Variants in PLXDC2 observed in about 807,000 individuals in gnomAD.
PLXDC2 encodes plexin domain-containing protein 2.
Under a neutral mutation model 68.9 loss-of-function variants are expected in PLXDC2, and 40 were observed. That is an observed-to-expected ratio of 0.58 (90% CI 0.45 to 0.76). The LOEUF (loss-of-function observed/expected upper bound fraction) is 0.76. Ranked by LOEUF, PLXDC2 falls within the 30% of genes least tolerant of loss-of-function variation. PLXDC2 has a pLI of 0.00. For missense variants in PLXDC2, 644 were observed against 661.9 expected (o/e 0.97, Z 0.30); for synonymous variants, 243 against 234.2 (o/e 1.04, Z -0.34).
chr10:20,073,204 A>C (rs1269834919), intron 4 of PLXDC2, among the ~76,000 whole-genome samples: 1 of 152,214 alleles, frequency 6.6e-6, no homozygotes, highest in African/African-American at 2.4e-5. Flanking sequence ...TGGTGAATCC[A>C]TGCTGTGCAA....
rs941796272 is a variant in PLXDC2 at position 20,288,227 on chromosome 10, A to C, written c.*8408A>C. The C allele has an allele frequency of 6.6e-6, 1 of 152,124 alleles. No individual in the cohort carries two copies. The highest frequency in any genetic ancestry group is 6.5e-5 in the Admixed American group (1 of 15,278). The allele number at this position is 152,124 out of a possible 1,614,324, so 9.4% of individuals were successfully genotyped here. A position where few individuals can be genotyped will look rare whatever the true frequency, so the allele number is the denominator to read the frequency against. ...CCAGTTCGTTTCTCACTGTTTTGGA[A>C]AGCCCTGTGTGCCAAACCAAGGACG... On this transcript the variant is annotated 3_prime_UTR_variant, in exon 14 of 14. Coordinates refer to ENST00000377252, the MANE Select transcript of PLXDC2 (RefSeq NM_032812.9).
At chr10:19,829,557 G>A (rs1022147772) in intron 1 of PLXDC2, among the ~76,000 whole-genome samples, 1 of 151,996 alleles carries the variant, frequency 6.6e-6, no homozygotes, top group East Asian at 1.9e-4. Context: ...ACTTTGGAAG[G>A]CCTCTACTAA....
intron 2 of PLXDC2, among the ~76,000 whole-genome samples, chr10:20,006,730 A>T (rs1438999447): frequency 6.6e-6 from 1 of 152,212 alleles, no homozygotes. Context: ...GGATTGTAAA[A>T]CTTGGTAGCC....
chr10:19,921,270 C>T (rs1440499252), intron 1 of PLXDC2, among the ~76,000 whole-genome samples: 7 of 152,238 alleles, frequency 4.6e-5, no homozygotes, highest in Non-Finnish European at 7.4e-5. Context: ...CCTACAAAAT[C>T]ATCTTGATTT....
intron 1 of PLXDC2, among the ~76,000 whole-genome samples, chr10:19,988,848 T>C (rs927606938): frequency 8.0e-6 from 1 of 124,866 alleles, no homozygotes; most frequent in Admixed American, 1.0e-4. Context: ...CAGGCTGGAG[T>C]GCAATGGCGC....
At chr10:20,141,061 C>T (rs535948739) in intron 4 of PLXDC2, among the ~76,000 whole-genome samples, 1 of 152,116 alleles carries the variant, frequency 6.6e-6, no homozygotes, top group South Asian at 2.1e-4. Flanking sequence ...ATATCTATGG[C>T]TTTTACATGT....
intron 1 of PLXDC2, among the ~76,000 whole-genome samples, chr10:19,939,521 A>G (rs1368471625): frequency 6.6e-6 from 1 of 152,204 alleles, no homozygotes; most frequent in Admixed American, 6.5e-5. Flanking sequence ...AGAACTGTAT[A>G]GCAGCTCTAG....
intron 1 of PLXDC2, among the ~76,000 whole-genome samples, chr10:19,824,983 C>T (rs982441075): frequency 6.6e-6 from 1 of 152,076 alleles, no homozygotes; most frequent in South Asian, 2.1e-4. Flanking sequence ...ACTGGATATC[C>T]AGACTTTTAA....
intron 4 of PLXDC2, among the ~76,000 whole-genome samples, chr10:20,121,721 G>A (rs1184881882): frequency 6.6e-6 from 1 of 152,126 alleles, no homozygotes; most frequent in African/African-American, 2.4e-5. Context: ...GGCACCATGG[G>A]GTAGATAGGC....
At chr10:19,860,339 A>T (rs1056660148) in intron 1 of PLXDC2, among the ~76,000 whole-genome samples, 1 of 152,190 alleles carries the variant, frequency 6.6e-6, no homozygotes, top group Non-Finnish European at 1.5e-5. Flanking sequence ...TGTGCTTGCC[A>T]TGGTACTAAG....
At chr10:20,005,452 G>C (rs1325306836) in intron 2 of PLXDC2, among the ~76,000 whole-genome samples, 1 of 152,174 alleles carries the variant, frequency 6.6e-6, no homozygotes, top group East Asian at 1.9e-4. Flanking sequence ...TGAAAGTTTG[G>C]AAAGTGTACT....
intron 5 of PLXDC2, among the ~76,000 whole-genome samples, chr10:20,146,413 T>TTTTC (rs774873153): frequency 2.6e-5 from 4 of 151,170 alleles, no homozygotes; most frequent in East Asian, 3.9e-4. Flanking sequence ...CCTTGCTTCC[T>TTTTC]TTTCTTTCTT....
At chr10:20,215,453 T>C (rs568472521) in intron 10 of PLXDC2, among the ~76,000 whole-genome samples, 18 of 151,922 alleles carry the variant, frequency 1.2e-4, no homozygotes, top group Non-Finnish European at 2.1e-4. Flanking sequence ...TCAGGATGCA[T>C]TGGGGAGAAG....
intron 6 of PLXDC2, among the ~76,000 whole-genome samples, chr10:20,156,241 G>C (rs1834215421): frequency 1.3e-5 from 2 of 152,122 alleles, no homozygotes; most frequent in South Asian, 4.1e-4. Context: ...CTGCGTCACT[G>C]TCTTTTGTGT....
intron 1 of PLXDC2, among the ~76,000 whole-genome samples, chr10:19,999,485 T>A (rs1035813660): frequency 1.4e-4 from 21 of 152,140 alleles, no homozygotes; most frequent in African/African-American, 2.7e-4. Flanking sequence ...CCATTTTTTT[T>A]ATCTGGAATC....
chr10:20,070,809 C>G (rs1282097664), intron 4 of PLXDC2: 1 of 152,158 alleles, frequency 6.6e-6, no homozygotes, highest in Non-Finnish European at 1.5e-5. Context: ...TTTGCATTTT[C>G]AATTTCTCAA....
chr10:20,124,022 G>A (rs1347429928), intron 4 of PLXDC2, among the ~76,000 whole-genome samples: 1 of 151,510 alleles, frequency 6.6e-6, no homozygotes, highest in Non-Finnish European at 1.5e-5. Flanking sequence ...CAGAAAGGCA[G>A]AGAAGGTGTA....
At chr10:20,163,022 ACTCCAGCCT>A (rs1564338356) in intron 6 of PLXDC2, among the ~76,000 whole-genome samples, 3 of 151,982 alleles carry the variant, frequency 2.0e-5, no homozygotes, top group African/African-American at 7.3e-5. Context: ...CGGAGGTTGC[ACTCCAGCCT>A]GGGAGATGGA....
At chr10:20,267,013 C>T (rs1835880101) in intron 13 of PLXDC2, among the ~76,000 whole-genome samples, 1 of 152,128 alleles carries the variant, frequency 6.6e-6, no homozygotes, top group Admixed American at 6.6e-5. Flanking sequence ...TTGCATTATA[C>T]GTCTCACCTA....
Sources: gnomAD v4.1 joint callset for allele counts (sites outside exome capture counted in the v4.1 genomes callset) on GRCh38, gnomAD v4.1.1 for gene constraint, MANE v1.5 for transcripts, NCBI Gene and HGNC (gene_info 2026-07-23, HGNC 2026-07-21) for gene names.